AKAP5: variants seen among roughly 807,000 people sequenced by gnomAD.
AKAP5 encodes A-kinase anchoring protein 5, also known as A-kinase anchor protein 5.
Under a neutral mutation model 13.8 loss-of-function variants are expected in AKAP5, and 5 were observed. The ratio of observed to expected loss-of-function variants is 0.36; its 90% CI spans 0.19 to 0.76. The LOEUF is 0.76. Ranked by LOEUF, AKAP5 falls within the 30% of genes least tolerant of loss-of-function variation. AKAP5 has a pLI of 0.51. For missense variants in AKAP5, 406 were observed against 484.4 expected (o/e 0.84, Z 1.52); for synonymous variants, 148 against 167.2 (o/e 0.89, Z 0.89).
chr14:64,466,096 T>C (rs562354437), intron 1 of AKAP5, among the ~76,000 whole-genome samples: 16 of 152,194 alleles, frequency 1.1e-4, no homozygotes, highest in African/African-American at 3.9e-4. Context: ...GAAAGATGCA[T>C]TGCTTTCCTC....
At chr14:64,466,274 A>AT (rs1352511488) in intron 1 of AKAP5, among the ~76,000 whole-genome samples, 1 of 152,148 alleles carries the variant, frequency 6.6e-6, no homozygotes, top group Non-Finnish European at 1.5e-5. Flanking sequence ...GCAAAGTTTT[A>AT]TTGTCTACAG....
In AKAP5 at chr14:64,471,559, A is replaced by G. The variant is rs780362425; in HGVS notation, c.*1881A>G. 1 of 167,114 alleles carries G rather than the reference A, an allele frequency of 6.0e-6. No individual in the cohort carries two copies. Among genetic ancestry groups the G allele is most frequent in the Non-Finnish European group, 1.5e-5 (1 of 68,126 alleles). 10.4% of individuals were successfully genotyped at this position (167,114 alleles called of 1,614,324 possible). A position where few individuals can be genotyped will look rare whatever the true frequency, so the allele number is the denominator to read the frequency against. On this transcript the variant is annotated 3_prime_UTR_variant, in exon 2 of 2. Coordinates refer to ENST00000394718, the MANE Select transcript of AKAP5 (RefSeq NM_004857.3). ...GCATCTGATCTCATCAATGATTGCC[A>G]TATTTTTTGAAAAAGTAATCCTATT...
rs1297858099 is a variant in AKAP5, at chr14:64,473,487, A to G, written c.*3809A>G. On this transcript the variant is annotated 3_prime_UTR_variant, in exon 2 of 2. Transcript: ENST00000394718. ...AACAGGCTTGCTAAAGGCATTAAAG[A>G]TATGGATCATGGAGGCACCAAATTT... 1 of 167,088 alleles carries G rather than the reference A, an allele frequency of 6.0e-6. No individual in the cohort carries two copies. The highest frequency in any genetic ancestry group is 6.5e-5 in the Admixed American group (1 of 15,286). 10.4% of individuals were successfully genotyped at this position (167,088 alleles called of 1,614,324 possible).
rs1273918442 is a variant in AKAP5 at position 64,469,190 on chromosome 14, C to A, written c.796C>A (p.Pro266Thr). The stretch of plus-strand genomic sequence containing the variant: ...TCAGCAGCCAGTACTTTCTGATGTT[C>A]CTCCTTTACCTGCAATTCCAGATCA... ...DHQQPVLSDVPPLPAIPDQQI... is the reference protein window; with the variant it reads ...DHQQPVLSDVTPLPAIPDQQI... Residue 266 changes from proline (P) to threonine (T), a missense_variant, in exon 2 of 2, where the codon CCT becomes ACT. Transcript: ENST00000394718. 12 of 1,614,078 alleles carry A rather than the reference C, an allele frequency of 7.4e-6. No homozygotes were observed. Among genetic ancestry groups the A allele is most frequent in the Non-Finnish European group, 1.0e-5 (12 of 1,180,032 alleles).
rs35363924 is a variant in AKAP5, at chr14:64,470,589, CAAAAAAAAAA to C, written c.*923_*932del. 3,895 of 50,258 alleles carry C rather than the reference CAAAAAAAAAA, an allele frequency of 0.078. 59 individuals are homozygous for C. Among genetic ancestry groups the C allele is most frequent in the Middle Eastern group, 0.17 (16 of 92 alleles). The allele number at this position is 50,258 out of a possible 1,614,324, so 3.1% of individuals were successfully genotyped here. ...TGGGCAACAGAGCGAGACTCCTTCT[CAAAAAAAAAA>C]AAAAAAAAAAAGAGAACCATTCACA... On this transcript the variant is annotated 3_prime_UTR_variant, in exon 2 of 2. Transcript: ENST00000394718.
rs148652014 is a variant in AKAP5 at position 64,469,529 on chromosome 14, G to A, written c.1135G>A (p.Gly379Ser). Residue 379 changes from glycine (G) to serine (S), a missense_variant, in exon 2 of 2, where the codon GGT becomes AGT. Physicochemically the swap from Gly to Ser is moderately conservative, Grantham distance 56. Transcript: ENST00000394718. ...EQVGVFANDN[G>S]FEDRTSEQYE... is the part of the protein sequence containing the mutation. ...AGTAGGGGTTTTTGCTAATGATAAT[G>A]GTTTTGAGGATAGAACTTCAGAACA... 3.1e-5 allele frequency: 50 copies of A among 1,613,836 alleles called. No homozygotes were observed. Among genetic ancestry groups the A allele is most frequent in the Admixed American group, 8.3e-5 (5 of 59,974 alleles).
intron 1 of AKAP5, chr14:64,467,456 T>A (rs2078623729): frequency 6.6e-6 from 1 of 152,184 alleles, no homozygotes; most frequent in African/African-American, 2.4e-5. Flanking sequence ...AGTACTTAAA[T>A]GAAAATGTCA....
chr14:64,469,188 T>G lies in AKAP5; in HGVS notation c.794T>G (p.Val265Gly). 1 of 1,614,154 alleles carries G rather than the reference T, an allele frequency of 6.2e-7. No homozygotes were observed. The highest frequency in any genetic ancestry group is 8.5e-7 in the Non-Finnish European group (1 of 1,180,042). Residue 265 changes from valine (V) to glycine (G), a missense_variant, in exon 2 of 2, where the codon GTT (valine) becomes GGT (glycine). Transcript: ENST00000394718. ...CATCAGCAGCCAGTACTTTCTGATG[T>G]TCCTCCTTTACCTGCAATTCCAGAT... ...TDHQQPVLSD[V>G]PPLPAIPDQQ...
chr14:64,472,617 A>G lies in AKAP5; in HGVS notation c.*2939A>G, dbSNP rs1300796936. On this transcript the variant is annotated 3_prime_UTR_variant, in exon 2 of 2. Coordinates refer to ENST00000394718, the MANE Select transcript of AKAP5 (RefSeq NM_004857.3). ...TCTATTGAGAATATCTGTTGAATTAAGTAGGATTTCAGTTAGAAAAAGGAA... is the reference window on the plus strand; with the variant it reads ...TCTATTGAGAATATCTGTTGAATTAGGTAGGATTTCAGTTAGAAAAAGGAA... The G allele has an allele frequency of 1.8e-5, 3 of 167,014 alleles. No individual in the cohort carries two copies. The highest frequency in any genetic ancestry group is 7.2e-5 in the African/African-American group (3 of 41,442). 10.3% of individuals were successfully genotyped at this position (167,014 alleles called of 1,614,324 possible).
In AKAP5 at chr14:64,472,777, A is replaced by G. The variant is rs1460509855; in HGVS notation, c.*3099A>G. ...AATCAGATGGCTTCAGAGTCATAAA[A>G]TATTTTTCTTGTAATAGTATTTAAG... On this transcript the variant is annotated 3_prime_UTR_variant, in exon 2 of 2. Coordinates refer to ENST00000394718, the MANE Select transcript of AKAP5 (RefSeq NM_004857.3). 6.0e-6 allele frequency: 1 copy of G among 166,862 alleles called. No homozygotes were observed. Among genetic ancestry groups the G allele is most frequent in the African/African-American group, 2.4e-5 (1 of 41,470 alleles). 10.3% of individuals were successfully genotyped at this position (166,862 alleles called of 1,614,324 possible). A position where few individuals can be genotyped will look rare whatever the true frequency, so the allele number is the denominator to read the frequency against.
In AKAP5 at chr14:64,473,265, A is replaced by G. The variant is rs1333369249; in HGVS notation, c.*3587A>G. 1.2e-5 allele frequency: 2 copies of G among 167,076 alleles called. No individual in the cohort carries two copies. Among genetic ancestry groups the G allele is most frequent in the Non-Finnish European group, 2.9e-5 (2 of 68,098 alleles). 10.3% of individuals were successfully genotyped at this position (167,076 alleles called of 1,614,324 possible). A position where few individuals can be genotyped will look rare whatever the true frequency, so the allele number is the denominator to read the frequency against. On this transcript the variant is annotated 3_prime_UTR_variant, in exon 2 of 2. Transcript: ENST00000394718. ...TCAAACAGAAATTATGTTCCCTGCC[A>G]CCTCCTCCACCTCAAAGAATAATAA...
In AKAP5 at chr14:64,472,720, C is replaced by T. The variant is rs1331355214; in HGVS notation, c.*3042C>T. On this transcript the variant is annotated 3_prime_UTR_variant, in exon 2 of 2. Coordinates refer to ENST00000394718, the MANE Select transcript of AKAP5 (RefSeq NM_004857.3). ...TATTACAGTGAATTCTAAGGTGATTCAAATTGTTTTATTGTTATAGAAATA... is the reference window on the plus strand; with the variant it reads ...TATTACAGTGAATTCTAAGGTGATTTAAATTGTTTTATTGTTATAGAAATA... 1 of 166,674 alleles carries T rather than the reference C, an allele frequency of 6.0e-6. No homozygotes were observed. The highest frequency in any genetic ancestry group is 1.5e-5 in the Non-Finnish European group (1 of 68,052). 10.3% of individuals were successfully genotyped at this position (166,674 alleles called of 1,614,324 possible). A position where few individuals can be genotyped will look rare whatever the true frequency, so the allele number is the denominator to read the frequency against.
At chr14:64,466,262 C>A (rs750138807) in intron 1 of AKAP5, among the ~76,000 whole-genome samples, 3 of 152,220 alleles carry the variant, frequency 2.0e-5, no homozygotes, top group African/African-American at 4.8e-5. Context: ...GTCTGACATT[C>A]TGCAAAGTTT....
chr14:64,468,826 T>C lies in AKAP5; in HGVS notation c.432T>C (p.Ile144=), dbSNP rs2078638346. Residue 144 remains isoleucine, a synonymous_variant, in exon 2 of 2, where the codon ATT becomes ATC. Coordinates refer to ENST00000394718, the MANE Select transcript of AKAP5 (RefSeq NM_004857.3). Reference sequence around the variant, plus strand: ...CAAAAAGGAGTAATCATTCCAAAATTATAGAAGACTCAGACTGCAGCATCA... The same window carrying C: ...CAAAAAGGAGTAATCATTCCAAAATCATAGAAGACTCAGACTGCAGCATCA... ...RGPKRSNHSK[I]IEDSDCSIKV... 1 of 1,614,138 alleles carries C rather than the reference T, an allele frequency of 6.2e-7. No individual in the cohort carries two copies. Among genetic ancestry groups the C allele is most frequent in the Non-Finnish European group, 8.5e-7 (1 of 1,180,036 alleles).
rs1356672407 is a variant in AKAP5 at position 64,468,256 on chromosome 14, G to A, written c.-139G>A. The A allele has an allele frequency of 1.6e-5, 12 of 735,956 alleles. No individual in the cohort carries two copies. Among genetic ancestry groups the A allele is most frequent in the Non-Finnish European group, 2.6e-5 (12 of 465,706 alleles). 45.6% of individuals were successfully genotyped at this position (735,956 alleles called of 1,614,324 possible). ...ACTAGAGAAACCACCTAAAACAACTGTATGGAGTAAGATGAAAGGTATGAA... is the reference window on the plus strand; with the variant it reads ...ACTAGAGAAACCACCTAAAACAACTATATGGAGTAAGATGAAAGGTATGAA... On this transcript the variant is annotated 5_prime_UTR_variant, in exon 2 of 2. Coordinates refer to ENST00000394718, the MANE Select transcript of AKAP5 (RefSeq NM_004857.3).
chr14:64,469,665 A>C lies in AKAP5; in HGVS notation c.1271A>C (p.Asn424Thr). 6.3e-7 allele frequency: 1 copy of C among 1,583,282 alleles called. No individual in the cohort carries two copies. Among genetic ancestry groups the C allele is most frequent in the Non-Finnish European group, 8.6e-7 (1 of 1,168,284 alleles). The stretch of plus-strand genomic sequence containing the variant: ...GCCTCTGATGATAATAAAATAAACA[A>C]TCTTCTACAGTGACTTACTCTCCAG... ...EMASDDNKIN[N>T]LLQ Residue 424 changes from asparagine (N) to threonine (T), a missense_variant, in exon 2 of 2, where the codon AAT (asparagine) becomes ACT (threonine). Physicochemically the swap from Asn to Thr is moderately conservative, Grantham distance 65 (BLOSUM62 0). Coordinates refer to ENST00000394718, the MANE Select transcript of AKAP5 (RefSeq NM_004857.3).
rs1394350480 is a variant in AKAP5, at chr14:64,472,400, A to C, written c.*2722A>C. ...GCAGTTATTGGAAATATTTTGGGGG[A>C]TTTTTAAAAAAACAGATAAATGGTA... is the stretch of plus-strand genomic sequence containing the variant. On this transcript the variant is annotated 3_prime_UTR_variant, in exon 2 of 2. Transcript: ENST00000394718. 6.0e-6 allele frequency: 1 copy of C among 166,970 alleles called. No homozygotes were observed. The highest frequency in any genetic ancestry group is 1.5e-5 in the Non-Finnish European group (1 of 68,096). 10.3% of individuals were successfully genotyped at this position (166,970 alleles called of 1,614,324 possible).
rs1031606462 is a variant in AKAP5 at position 64,472,684 on chromosome 14, T to A, written c.*3006T>A. Reference sequence around the variant, plus strand: ...TCTCAATCTGATTATATGTGCTACATGGCCAAATCCTATTACAGTGAATTC... The same window carrying A: ...TCTCAATCTGATTATATGTGCTACAAGGCCAAATCCTATTACAGTGAATTC... On this transcript the variant is annotated 3_prime_UTR_variant, in exon 2 of 2. Transcript: ENST00000394718. 6.0e-6 allele frequency: 1 copy of A among 166,974 alleles called. No individual in the cohort carries two copies. The highest frequency in any genetic ancestry group is 1.5e-5 in the Non-Finnish European group (1 of 68,092). The allele number at this position is 166,974 out of a possible 1,614,324, so 10.3% of individuals were successfully genotyped here.
In AKAP5 at chr14:64,473,905, T is replaced by C. The variant is rs200646531; in HGVS notation, c.*4227T>C. The C allele has an allele frequency of 6.0e-6, 1 of 166,720 alleles. No homozygotes were observed. The highest frequency in any genetic ancestry group is 1.9e-4 in the East Asian group (1 of 5,206). The allele number at this position is 166,720 out of a possible 1,614,324, so 10.3% of individuals were successfully genotyped here. A position where few individuals can be genotyped will look rare whatever the true frequency, so the allele number is the denominator to read the frequency against. On this transcript the variant is annotated 3_prime_UTR_variant, in exon 2 of 2. Transcript: ENST00000394718. ...AATCCATGGTATATTTTATGGTACATTTTGAAAAGAAAATTTGTAATGCTC... is the reference window on the plus strand; with the variant it reads ...AATCCATGGTATATTTTATGGTACACTTTGAAAAGAAAATTTGTAATGCTC...
Sources: allele counts gnomAD v4.1 joint callset (sites outside exome capture counted in the v4.1 genomes callset), GRCh38; gene constraint gnomAD v4.1.1; transcripts MANE v1.5; gene names NCBI Gene and HGNC (gene_info 2026-07-23, HGNC 2026-07-21).